The following ASXL2 variants were observed in gnomAD, a reference collection of about 807,000 sequenced individuals.
ASXL2 encodes the protein ASXL transcriptional regulator 2.
Under a neutral mutation model 122.0 loss-of-function variants are expected in ASXL2, and 23 were observed. The ratio of observed to expected loss-of-function variants is 0.19; its 90% CI spans 0.14 to 0.27. The LOEUF (loss-of-function observed/expected upper bound fraction) is 0.27. Ranked by LOEUF, ASXL2 falls within the 10% of genes least tolerant of loss-of-function variation. ASXL2 has a pLI of 1.00. For synonymous variants in ASXL2, 650 were observed against 637.0 expected (o/e 1.02, Z -0.31); for missense variants, 1,518 against 1,713.8 (o/e 0.89, Z 2.02).
chr2:25,801,925 C>G (rs2089004752), intron 4 of ASXL2, among the ~76,000 whole-genome samples: 1 of 152,166 alleles, frequency 6.6e-6, no homozygotes, highest in Non-Finnish European at 1.5e-5. Context: ...CATCTACCAC[C>G]CAACAACCCA....
intron 1 of ASXL2, among the ~76,000 whole-genome samples, chr2:25,846,755 G>A (rs2149193892): frequency 6.6e-6 from 1 of 152,354 alleles, no homozygotes; most frequent in Non-Finnish European, 1.5e-5. Flanking sequence ...GGCAGAGGTT[G>A]CAGTAAGCCG....
At chr2:25,839,854 T>C (rs765512547) in intron 2 of ASXL2, among the ~76,000 whole-genome samples, 1 of 151,642 alleles carries the variant, frequency 6.6e-6, no homozygotes, top group Non-Finnish European at 1.5e-5. Context: ...AGGACATATA[T>C]TCATGGGACT....
chr2:25,772,480 C>A (rs1559506744), intron 5 of ASXL2, among the ~76,000 whole-genome samples: 1 of 152,138 alleles, frequency 6.6e-6, no homozygotes, highest in Non-Finnish European at 1.5e-5. Flanking sequence ...TGCCTCCAAT[C>A]CCAGCACTTT....
intron 11 of ASXL2, 38 bp from the exon 12 acceptor site, chr2:25,750,451 T>C (rs377545640): frequency 1.4e-5 from 22 of 1,520,530 alleles, no homozygotes; most frequent in Middle Eastern, 3.5e-4. Flanking sequence ...AGTTGAAAAA[T>C]AGCCCATGTT....
chr2:25,815,939 T>A (rs1212250060), intron 3 of ASXL2, among the ~76,000 whole-genome samples: 1 of 152,154 alleles, frequency 6.6e-6, no homozygotes. Context: ...CAGGAGAATA[T>A]TCACAGGTAA....
chr2:25,811,649 TG>T (rs1337739406), intron 3 of ASXL2, among the ~76,000 whole-genome samples: 1 of 152,126 alleles, frequency 6.6e-6, no homozygotes, highest in Non-Finnish European at 1.5e-5. Context: ...AAGATGCCAT[TG>T]GTCAGATGGA....
chr2:25,750,339 GC>G lies in ASXL2; in HGVS notation c.1216del (p.Ala406LeufsTer17). The part of the protein sequence containing the change: ...PSDPKVKKTP[A>X]EQPKSMPVSE... Reference sequence around the variant, plus strand: ...CACAGGCATGGATTTTGGTTGTTCAGCTGGGGTTTTCTTTACTTTGGGATCA... The same window carrying G: ...CACAGGCATGGATTTTGGTTGTTCAGTGGGGTTTTCTTTACTTTGGGATCA... On this transcript the variant is annotated frameshift_variant, in exon 12 of 13. Transcript: ENST00000435504. LOFTEE classifies it high-confidence loss of function. 1 of 1,613,922 alleles carries G rather than the reference GC, an allele frequency of 6.2e-7. No individual in the cohort carries two copies. The highest frequency in any genetic ancestry group is 8.5e-7 in the Non-Finnish European group (1 of 1,179,868).
chr2:25,768,913 T>C (rs1230614023), intron 6 of ASXL2, 45 bp from the exon 7 acceptor site: 1 of 1,583,834 alleles, frequency 6.3e-7, no homozygotes, highest in East Asian at 2.2e-5. Context: ...CAATCAGTTT[T>C]TTAGTAATAA....
intron 3 of ASXL2, chr2:25,810,468 C>T (rs1163731350): frequency 1.4e-6 from 1 of 730,168 alleles, no homozygotes; most frequent in Non-Finnish European, 2.5e-6. Context: ...GAGCACAGTC[C>T]AGCTCCTCTT....
intron 5 of ASXL2, among the ~76,000 whole-genome samples, chr2:25,774,135 T>TA (rs888255806): frequency 2.0e-4 from 31 of 151,780 alleles, no homozygotes; most frequent in African/African-American, 6.8e-4. Context: ...AGGGTGAGGA[T>TA]AAAAAAACTA....
chr2:25,799,772 C>G (rs1294278153), intron 4 of ASXL2, among the ~76,000 whole-genome samples: 1 of 152,074 alleles, frequency 6.6e-6, no homozygotes, highest in Non-Finnish European at 1.5e-5. Flanking sequence ...AGGCACAACA[C>G]AGGCTTAAAT....
Position 25,768,662 on chromosome 2 carries a change from G to A in ASXL2, c.631+80C>T, listed in dbSNP as rs1394607563. ...TAAATATAATTTAAAAATAAATGATGTCATAAACAAATCAGGAAAACCAAC... is the reference window on the plus strand; with the variant it reads ...TAAATATAATTTAAAAATAAATGATATCATAAACAAATCAGGAAAACCAAC... On this transcript the variant is annotated intron_variant, in intron 7 of 12. Coordinates refer to ENST00000435504, the MANE Select transcript of ASXL2 (RefSeq NM_018263.6). 3.1e-5 allele frequency: 45 copies of A among 1,462,256 alleles called. No individual in the cohort carries two copies. In the Middle Eastern group the frequency reaches 1.1e-3, roughly 37 times the overall value. 90.6% of individuals were successfully genotyped at this position (1,462,256 alleles called of 1,614,324 possible). A position where few individuals can be genotyped will look rare whatever the true frequency, so the allele number is the denominator to read the frequency against.
At chr2:25,878,038 G>T in intron 1 of ASXL2, 128 bp downstream of exon 1, 1 of 1,176,880 alleles carries the variant, frequency 8.5e-7, no homozygotes, top group Non-Finnish European at 1.3e-6. Context: ...ACTAACCGCC[G>T]CCCTCTCCGC....
chr2:25,774,990 G>A (rs1355319057), intron 5 of ASXL2, among the ~76,000 whole-genome samples: 1 of 151,926 alleles, frequency 6.6e-6, no homozygotes, highest in Non-Finnish European at 1.5e-5. Context: ...ATTTCATTTT[G>A]CCTGTCTTCT....
chr2:25,792,568 T>C (rs1003254451), intron 5 of ASXL2, among the ~76,000 whole-genome samples: 1 of 152,110 alleles, frequency 6.6e-6, no homozygotes, highest in Admixed American at 6.5e-5. Flanking sequence ...AATCATTACA[T>C]AAAAGAAACC....
Position 25,753,636 on chromosome 2 carries a change from T to G in ASXL2, c.1040A>C (p.Glu347Ala). Residue 347 changes from glutamate to alanine, a missense_variant, in exon 11 of 13, where the codon GAG becomes GCG. Glu to Ala is a moderately radical substitution (Grantham distance 107). Transcript: ENST00000435504. ...QGWKERLSEGEFTPEMQVRIR... is the reference protein window; with the variant it reads ...QGWKERLSEGAFTPEMQVRIR... ...TCTCACCTGCATCTCAGGTGTAAACTCACCTGCAATGTACCCAAAAAAGGA... is the reference window on the plus strand; with the variant it reads ...TCTCACCTGCATCTCAGGTGTAAACGCACCTGCAATGTACCCAAAAAAGGA... 1 of 1,605,378 alleles carries G rather than the reference T, an allele frequency of 6.2e-7. No individual in the cohort carries two copies. Among genetic ancestry groups the G allele is most frequent in the Non-Finnish European group, 8.5e-7 (1 of 1,174,842 alleles).
intron 3 of ASXL2, chr2:25,810,779 A>G: frequency 1.9e-6 from 1 of 532,000 alleles, no homozygotes; most frequent in Non-Finnish European, 3.5e-6. Context: ...TTTTGTTGAG[A>G]TTTAAGTCAC....
intron 2 of ASXL2, among the ~76,000 whole-genome samples, chr2:25,841,714 G>A (rs891513145): frequency 3.9e-5 from 6 of 152,070 alleles, no homozygotes; most frequent in African/African-American, 9.7e-5. Context: ...TTGGGAGACC[G>A]AGGAGGGTGG....
chr2:25,762,362 T>C (rs1574402441), intron 8 of ASXL2, among the ~76,000 whole-genome samples: 1 of 141,516 alleles, frequency 7.1e-6, no homozygotes, highest in Non-Finnish European at 1.5e-5. Context: ...TTTTCAGAAG[T>C]TTAAAAGAAG....
Sources: allele counts gnomAD v4.1 joint callset (sites outside exome capture counted in the v4.1 genomes callset), GRCh38; gene constraint gnomAD v4.1.1; transcripts MANE v1.5; gene names NCBI Gene and HGNC (gene_info 2026-07-23, HGNC 2026-07-21).